BLVRA: variants seen among roughly 807,000 people sequenced by gnomAD.
BLVRA encodes the protein BVR A.
In BLVRA, 22 loss-of-function variants were observed where a neutral mutation model predicts 32.8. The observed-to-expected ratio is 0.67, with a 90% confidence interval of 0.48 to 0.96. The LOEUF is 0.96. Ranked by LOEUF, BLVRA falls within the 40% of genes least tolerant of loss-of-function variation. The probability of loss-of-function intolerance (pLI) is 0.00; values close to 1 mark genes in which losing one functional copy is unlikely to be tolerated. For synonymous variants in BLVRA, 119 were observed against 141.3 expected (o/e 0.84, Z 1.12); for missense variants, 323 against 358.1 (o/e 0.90, Z 0.79).
intron 1 of BLVRA, among the ~76,000 whole-genome samples, chr7:43,770,347 C>T (rs1028519703): frequency 6.6e-6 from 1 of 152,168 alleles, no homozygotes; most frequent in African/African-American, 2.4e-5. Context: ...GGCCTCTGTT[C>T]TACTGTCATT....
At position 43,784,155 on chromosome 7, in the gene BLVRA, G is replaced by A. The variant is rs572692487; in HGVS notation, c.13-3749G>A. On this transcript the variant is annotated intron_variant, in intron 2 of 7. Transcript: ENST00000265523. ...TGTCCTTTTCTGCTGTCTCAAAACT[G>A]CTCCTGTTCTTTGTTCCTTAAATAC... is the stretch of plus-strand genomic sequence containing the variant. Among the ~76,000 whole-genome samples the A allele has an allele frequency of 2.6e-5, 4 of 152,212 alleles. No homozygotes were observed. In the South Asian group the frequency reaches 8.3e-4, roughly 32 times the overall value.
At chr7:43,773,655 G>A (rs1295678294) in intron 2 of BLVRA, among the ~76,000 whole-genome samples, 1 of 152,196 alleles carries the variant, frequency 6.6e-6, no homozygotes, top group African/African-American at 2.4e-5. Flanking sequence ...TATATACCCA[G>A]TAATGGGATG....
At chr7:43,770,818 T>TG (rs1012090226) in intron 1 of BLVRA, among the ~76,000 whole-genome samples, 50 of 152,350 alleles carry the variant, frequency 3.3e-4, no homozygotes, top group African/African-American at 1.2e-3. Flanking sequence ...GCACCAGTTT[T>TG]GGGAAGTGCA....
At chr7:43,793,577 G>A (rs980536717) in intron 5 of BLVRA, among the ~76,000 whole-genome samples, 10 of 151,800 alleles carry the variant, frequency 6.6e-5, no homozygotes, top group African/African-American at 2.4e-4. Context: ...ACAACCCTGG[G>A]CAACATAATG....
In BLVRA at chr7:43,790,474, CAT is replaced by C. The variant is rs377572659; in HGVS notation, c.135-774_135-773del. 1.6e-3 allele frequency among the ~76,000 whole-genome samples: 242 copies of C among 152,124 alleles called. 2 individuals are homozygous for C. Among genetic ancestry groups the C allele is most frequent in the East Asian group, 0.015 (78 of 5,168 alleles). Reference sequence around the variant, plus strand: ...ACACACAGACACACACACACACAAACATGTGTGCGTACATACTACTGGGCTTC... The same window carrying C: ...ACACACAGACACACACACACACAAACGTGTGCGTACATACTACTGGGCTTC... On this transcript the variant is annotated intron_variant, in intron 3 of 7. Transcript: ENST00000265523.
chr7:43,799,994 C>T (rs1307286683), intron 5 of BLVRA, among the ~76,000 whole-genome samples: 2 of 151,744 alleles, frequency 1.3e-5, no homozygotes, highest in African/African-American at 2.4e-5. Context: ...CTCACTCTGT[C>T]GCCCAGGCTG....
chr7:43,772,921 C>T (rs1027575990), intron 2 of BLVRA, among the ~76,000 whole-genome samples: 8 of 152,140 alleles, frequency 5.3e-5, no homozygotes, highest in African/African-American at 1.9e-4. Flanking sequence ...AACCATATCA[C>T]CTAGTGACGG....
chr7:43,767,312 C>A, intron 1 of BLVRA: 2 of 1,355,720 alleles, frequency 1.5e-6, no homozygotes, highest in Non-Finnish European at 2.1e-6. Context: ...GATAAAGTGG[C>A]GCTGAACGCA....
intron 2 of BLVRA, among the ~76,000 whole-genome samples, chr7:43,775,648 G>C (rs893950436): frequency 5.9e-5 from 9 of 152,196 alleles, no homozygotes; most frequent in African/African-American, 1.9e-4. Flanking sequence ...GATGACGCTG[G>C]CCTCATAAAA....
chr7:43,803,919 G>A, intron 7 of BLVRA, 72 bp downstream of exon 7: 2 of 1,581,830 alleles, frequency 1.3e-6, no homozygotes, highest in Non-Finnish European at 1.7e-6. Flanking sequence ...ATGATCCAAA[G>A]GGAGCCCCGA....
chr7:43,765,408 C>A (rs1009247196), intron 1 of BLVRA, among the ~76,000 whole-genome samples: 4 of 152,058 alleles, frequency 2.6e-5, no homozygotes, highest in Non-Finnish European at 5.9e-5. Flanking sequence ...CGTGCCACCA[C>A]CCCCTGCTAA....
At chr7:43,779,935 G>A (rs185862721) in intron 2 of BLVRA, among the ~76,000 whole-genome samples, 41 of 151,632 alleles carry the variant, frequency 2.7e-4, no homozygotes, top group African/African-American at 8.7e-4. Flanking sequence ...GTACAGTGGC[G>A]TGATCTTGGC....
chr7:43,786,183 AG>A (rs1172137128), intron 2 of BLVRA, among the ~76,000 whole-genome samples: 1 of 152,218 alleles, frequency 6.6e-6, no homozygotes, highest in East Asian at 1.9e-4. Flanking sequence ...TAAATGTGAA[AG>A]GTTGGGGAAA....
chr7:43,803,656 G>A lies in BLVRA; in HGVS notation c.461-20G>A, dbSNP rs1367764774. The A allele has an allele frequency of 6.3e-7, 1 of 1,577,190 alleles. No individual in the cohort carries two copies. The highest frequency in any genetic ancestry group is 2.4e-5 in the East Asian group (1 of 42,278). The stretch of plus-strand genomic sequence containing the variant: ...GCATTCCTGCTTCCCAGTTCCCACA[G>A]CATTTGTGATTTCCCACAGCTGGCC... On this transcript the variant is annotated intron_variant, in intron 6 of 7. Transcript: ENST00000265523.
At chr7:43,764,179 C>G (rs931613696) in intron 1 of BLVRA, 1 of 152,284 alleles carries the variant, frequency 6.6e-6, no homozygotes, top group Non-Finnish European at 1.5e-5. Flanking sequence ...GCCCCGCCCC[C>G]GCACTTGTGA....
At chr7:43,782,119 G>A (rs555029506) in intron 2 of BLVRA, among the ~76,000 whole-genome samples, 4 of 152,300 alleles carry the variant, frequency 2.6e-5, no homozygotes, top group African/African-American at 9.6e-5. Flanking sequence ...CATCCCCATG[G>A]CATCTGACTT....
intron 2 of BLVRA, among the ~76,000 whole-genome samples, chr7:43,786,641 T>C (rs2095777938): frequency 6.6e-6 from 1 of 152,252 alleles, no homozygotes. Flanking sequence ...TCATAAAATA[T>C]CTCAATAAAT....
chr7:43,767,499 C>T, intron 1 of BLVRA: 1 of 1,260,764 alleles, frequency 7.9e-7, no homozygotes, highest in Non-Finnish European at 1.2e-6. Flanking sequence ...TTTTATGCTG[C>T]TATTGTTGCC....
rs544783712 is a variant in BLVRA, at chr7:43,797,195, C to G, written c.353-3270C>G. 1.2e-4 allele frequency among the ~76,000 whole-genome samples: 19 copies of G among 152,340 alleles called. No individual in the cohort carries two copies. In the South Asian group the frequency reaches 2.7e-3, roughly 22 times the overall value. ...CTCCGCCTCCTGGGTTCAAGTGATT[C>G]TTGTGCCTCAGCCACCTGAGTAACT... is the stretch of plus-strand genomic sequence containing the variant. On this transcript the variant is annotated intron_variant, in intron 5 of 7. Transcript: ENST00000265523.
Sources: allele counts gnomAD v4.1 joint callset (sites outside exome capture counted in the v4.1 genomes callset), GRCh38; gene constraint gnomAD v4.1.1; transcripts MANE v1.5; gene names NCBI Gene and HGNC (gene_info 2026-07-23, HGNC 2026-07-21).